MAGI1: variants seen among roughly 807,000 people sequenced by gnomAD.
The protein encoded by MAGI1 is membrane associated guanylate kinase, WW and PDZ domain containing 1.
In MAGI1, 58 loss-of-function variants were observed where a neutral mutation model predicts 139.9. The observed-to-expected ratio is 0.41, with a 90% confidence interval of 0.34 to 0.52. The LOEUF (loss-of-function observed/expected upper bound fraction) is 0.52, where lower values mean the gene tolerates loss of function less well. MAGI1 is among the 20% of genes least tolerant of loss of function. The pLI, the probability that MAGI1 is intolerant of heterozygous loss-of-function variation, is 0.12. For synonymous variants in MAGI1, 812 were observed against 737.9 expected (o/e 1.10, Z -1.63); for missense variants, 1,874 against 1,901.6 (o/e 0.99, Z 0.27).
intron 1 of MAGI1, among the ~76,000 whole-genome samples, chr3:65,974,796 G>C (rs143562679): frequency 6.6e-6 from 1 of 152,270 alleles, no homozygotes; most frequent in Non-Finnish European, 1.5e-5. Context: ...AAATAGAAAG[G>C]ATGACTAGGA....
At chr3:65,613,230 C>T (rs2106959395) in intron 2 of MAGI1, among the ~76,000 whole-genome samples, 1 of 152,226 alleles carries the variant, frequency 6.6e-6, no homozygotes, top group African/African-American at 2.4e-5. Flanking sequence ...CTACAGAATA[C>T]AGAATACAGG....
At chr3:65,435,447 T>C (rs920375215) in intron 10 of MAGI1, among the ~76,000 whole-genome samples, 1 of 149,152 alleles carries the variant, frequency 6.7e-6, no homozygotes, top group African/African-American at 2.5e-5. Flanking sequence ...GAAAGTCTGG[T>C]TGGCTATTCT....
chr3:65,458,612 T>C (rs1949560818), intron 5 of MAGI1, among the ~76,000 whole-genome samples: 2 of 152,192 alleles, frequency 1.3e-5, no homozygotes, highest in South Asian at 4.1e-4. Flanking sequence ...AGTCTTCTTT[T>C]GAGAAATGTC....
At chr3:65,904,007 CA>C (rs562994010) in intron 1 of MAGI1, among the ~76,000 whole-genome samples, 144 of 136,336 alleles carry the variant, frequency 1.1e-3, no homozygotes, top group Admixed American at 1.8e-3. Context: ...GACTCTTTCT[CA>C]AAAAAAAAAA....
intron 1 of MAGI1, among the ~76,000 whole-genome samples, chr3:65,793,375 A>G (rs1397685194): frequency 6.6e-6 from 1 of 152,226 alleles, no homozygotes; most frequent in Non-Finnish European, 1.5e-5. Flanking sequence ...TCTCATTCAC[A>G]GAGTCTGGGG....
intron 18 of MAGI1, among the ~76,000 whole-genome samples, chr3:65,369,437 A>C (rs1056426355): frequency 1.3e-5 from 2 of 152,168 alleles, no homozygotes; most frequent in African/African-American, 4.8e-5. Flanking sequence ...AGACTCACGC[A>C]CTGCACAAAG....
chr3:65,652,566 G>C (rs1322808115), intron 1 of MAGI1, among the ~76,000 whole-genome samples: 3 of 152,152 alleles, frequency 2.0e-5, no homozygotes, highest in Admixed American at 2.0e-4. Flanking sequence ...ATCACCCTCA[G>C]TTGAGAGCTA....
At chr3:65,642,013 C>T (rs2085007806) in intron 1 of MAGI1, among the ~76,000 whole-genome samples, 1 of 152,188 alleles carries the variant, frequency 6.6e-6, no homozygotes, top group Non-Finnish European at 1.5e-5. Context: ...ATCACAAATG[C>T]AGGGCTTTCC....
chr3:65,707,657 G>A lies in MAGI1; in HGVS notation c.314-85569C>T, dbSNP rs550949792. On this transcript the variant is annotated intron_variant, in intron 1 of 22. Transcript: ENST00000402939. ...GTGAACCATGATGGGGTCACTGCACGGCAAACTGGGTGACAGAGTGATACC... is the reference window on the plus strand; with the variant it reads ...GTGAACCATGATGGGGTCACTGCACAGCAAACTGGGTGACAGAGTGATACC... Among the ~76,000 whole-genome samples the A allele has an allele frequency of 2.0e-4, 29 of 147,254 alleles. No homozygotes were observed. The South Asian group carries it at 6.0e-3, about 31-fold the overall frequency.
chr3:65,926,626 T>G (rs1338242457), intron 1 of MAGI1, among the ~76,000 whole-genome samples: 5 of 152,090 alleles, frequency 3.3e-5, no homozygotes, highest in African/African-American at 1.2e-4. Context: ...TGACCTCTGG[T>G]TGTCCTCACT....
At chr3:65,873,653 T>C (rs896182720) in intron 1 of MAGI1, 3 of 152,176 alleles carry the variant, frequency 2.0e-5, no homozygotes, top group Admixed American at 6.6e-5. Flanking sequence ...GTGTAGAGAC[T>C]GGACAGTAAC....
intron 1 of MAGI1, among the ~76,000 whole-genome samples, chr3:65,784,883 C>T (rs1476023333): frequency 2.0e-5 from 3 of 152,128 alleles, no homozygotes; most frequent in Non-Finnish European, 4.4e-5. Context: ...TTACAATGCC[C>T]TTTAGATGAA....
chr3:65,615,535 C>T (rs1176568853), intron 2 of MAGI1, among the ~76,000 whole-genome samples: 1 of 152,178 alleles, frequency 6.6e-6, no homozygotes, highest in Non-Finnish European at 1.5e-5. Context: ...AAGTGGTTTT[C>T]TGCTGAGTTG....
At chr3:65,671,031 C>T (rs1382168692) in intron 1 of MAGI1, among the ~76,000 whole-genome samples, 2 of 152,138 alleles carry the variant, frequency 1.3e-5, no homozygotes, top group South Asian at 4.1e-4. Flanking sequence ...TATCATAATA[C>T]CTAATGCTTA....
chr3:65,587,835 T>C (rs1465925343), intron 2 of MAGI1, among the ~76,000 whole-genome samples: 1 of 152,128 alleles, frequency 6.6e-6, no homozygotes, highest in Non-Finnish European at 1.5e-5. Context: ...CGACCAGCTG[T>C]ATTAACCACA....
Position 65,356,681 on chromosome 3 carries a change from C to T in MAGI1, c.4086G>A (p.Arg1362=). The T allele has an allele frequency of 6.3e-7, 1 of 1,590,384 alleles. No individual in the cohort carries two copies. Among genetic ancestry groups the T allele is most frequent in the Non-Finnish European group, 8.6e-7 (1 of 1,169,068 alleles). The change falls in exon 23 of 23, where the codon AGG becomes AGA. Residue 1362 remains arginine, a synonymous_variant. Coordinates refer to ENST00000402939, the MANE Select transcript of MAGI1 (RefSeq NM_001033057.2). Reference sequence around the variant, plus strand: ...TCCGCCGGCTGGGGGAGCCGTCTCTCCTGCGGGTGGGTGACCGCTCTCGCC... The same window carrying T: ...TCCGCCGGCTGGGGGAGCCGTCTCTTCTGCGGGTGGGTGACCGCTCTCGCC... ...ERRRERSPTR[R]RDGSPSRRRR...
intron 1 of MAGI1, among the ~76,000 whole-genome samples, chr3:65,951,120 A>C (rs1231685517): frequency 6.6e-6 from 1 of 152,086 alleles, no homozygotes; most frequent in Non-Finnish European, 1.5e-5. Flanking sequence ...ATGTTTTAAG[A>C]AAGTTCATGA....
At position 66,035,993 on chromosome 3, in the gene MAGI1, G is replaced by A. The variant is rs571763102; in HGVS notation, c.313+2003C>T. On this transcript the variant is annotated intron_variant, in intron 1 of 22. Coordinates refer to ENST00000402939, the MANE Select transcript of MAGI1 (RefSeq NM_001033057.2). ...GCAAGCCAGCCCCTATTCAGGACCC[G>A]TTAGACACTGCGAGGCATCCCCCTA... Among the ~76,000 whole-genome samples the A allele has an allele frequency of 1.5e-3, 223 of 152,250 alleles. 2 individuals carry two copies. The highest frequency in any genetic ancestry group is 3.4e-3 in the Middle Eastern group (1 of 294).
At chr3:65,471,563 G>A (rs1461153142) in intron 4 of MAGI1, among the ~76,000 whole-genome samples, 2 of 152,078 alleles carry the variant, frequency 1.3e-5, no homozygotes, top group Non-Finnish European at 2.9e-5. Flanking sequence ...CCACCCTTGA[G>A]GAGGCTGCCT....
Sources: gnomAD v4.1 joint callset for allele counts (sites outside exome capture counted in the v4.1 genomes callset) on GRCh38, gnomAD v4.1.1 for gene constraint, MANE v1.5 for transcripts, NCBI Gene and HGNC (gene_info 2026-07-23, HGNC 2026-07-21) for gene names.